SEMA3D: variants seen among roughly 807,000 people sequenced by gnomAD.
SEMA3D encodes the protein semaphorin-3D.
Under a neutral mutation model 100.1 loss-of-function variants are expected in SEMA3D, and 84 were observed. The ratio of observed to expected loss-of-function variants is 0.84; its 90% CI spans 0.70 to 1.01. The LOEUF is 1.01. Ranked by LOEUF, SEMA3D falls within the 50% of genes least tolerant of loss-of-function variation. SEMA3D has a pLI of 0.00. For missense variants in SEMA3D, 875 were observed against 934.1 expected (o/e 0.94, Z 0.82); for synonymous variants, 312 against 320.7 (o/e 0.97, Z 0.29).
rs116613566 is a variant in SEMA3D at position 85,172,998 on chromosome 7, A to T, written c.-173+13680T>A. ...TACCTTTTTAGAAAAGGCATAAGGAACAAGGCACAAAAGAAACAAGGTTGT... is the reference window on the plus strand; with the variant it reads ...TACCTTTTTAGAAAAGGCATAAGGATCAAGGCACAAAAGAAACAAGGTTGT... On this transcript the variant is annotated intron_variant, in intron 1 of 18. Transcript: ENST00000284136. 5.2e-3 allele frequency among the ~76,000 whole-genome samples: 797 copies of T among 152,186 alleles called. 10 individuals are homozygous for T. Among genetic ancestry groups the T allele is most frequent in the African/African-American group, 0.018 (755 of 41,542 alleles).
At chr7:85,176,791 T>G (rs984805049) in intron 1 of SEMA3D, among the ~76,000 whole-genome samples, 8 of 144,086 alleles carry the variant, frequency 5.6e-5, no homozygotes, top group East Asian at 2.1e-4. Flanking sequence ...CATATATATA[T>G]ATAGAGAGAG....
At chr7:85,010,082 T>C (rs994501824) in intron 17 of SEMA3D, among the ~76,000 whole-genome samples, 3 of 151,738 alleles carry the variant, frequency 2.0e-5, no homozygotes, top group African/African-American at 4.8e-5. Context: ...ATAAGATTAA[T>C]TGATATAAAA....
At chr7:85,134,443 T>C (rs1789803295) in intron 2 of SEMA3D, among the ~76,000 whole-genome samples, 1 of 152,010 alleles carries the variant, frequency 6.6e-6, no homozygotes, top group Non-Finnish European at 1.5e-5. Context: ...TTCTGTACTT[T>C]TTTAGAGTAT....
At chr7:85,093,653 AT>A (rs1252815117) in intron 4 of SEMA3D, among the ~76,000 whole-genome samples, 3 of 152,068 alleles carry the variant, frequency 2.0e-5, no homozygotes, top group South Asian at 2.1e-4. Context: ...ACGCTAATTG[AT>A]AAAAGTAATA....
intron 1 of SEMA3D, among the ~76,000 whole-genome samples, chr7:85,169,029 T>C (rs1206225948): frequency 6.6e-6 from 1 of 151,646 alleles, no homozygotes; most frequent in East Asian, 1.9e-4. Context: ...TACTATGAGT[T>C]CATGAGATAA....
At chr7:85,231,719 G>A in the SEMA3D span, among the ~76,000 whole-genome samples, 8 of 152,030 alleles carry the variant, frequency 5.3e-5, no homozygotes, top group African/African-American at 1.9e-4. Context: ...CAAAGTGCTG[G>A]GATTATAGGC....
At chr7:85,234,195 G>C in the SEMA3D span, among the ~76,000 whole-genome samples, 1 of 152,100 alleles carries the variant, frequency 6.6e-6, no homozygotes, top group Non-Finnish European at 1.5e-5. Context: ...TGCTCCCTGA[G>C]ACCCCCAGAA....
At chr7:85,117,579 C>A (rs1789277776) in intron 3 of SEMA3D, among the ~76,000 whole-genome samples, 1 of 152,000 alleles carries the variant, frequency 6.6e-6, no homozygotes, top group African/African-American at 2.4e-5. Flanking sequence ...AGGAGACAAG[C>A]CTGGGCAACA....
At chr7:85,130,871 G>A (rs914569838) in intron 2 of SEMA3D, among the ~76,000 whole-genome samples, 49 of 152,124 alleles carry the variant, frequency 3.2e-4, no homozygotes, top group African/African-American at 1.0e-3. Context: ...GTGGTTAAGC[G>A]CACAGGCAAA....
chr7:85,165,407 G>C (rs76307468), intron 1 of SEMA3D, among the ~76,000 whole-genome samples: 1 of 152,018 alleles, frequency 6.6e-6, no homozygotes, highest in Non-Finnish European at 1.5e-5. Flanking sequence ...AAGATACGAC[G>C]TGAGAAAGAC....
At chr7:85,135,425 T>C (rs1789831616) in intron 2 of SEMA3D, among the ~76,000 whole-genome samples, 1 of 152,026 alleles carries the variant, frequency 6.6e-6, no homozygotes, top group East Asian at 1.9e-4. Context: ...AAACACGGCA[T>C]GTTCTCACTC....
At chr7:85,197,751 C>G in the SEMA3D span, among the ~76,000 whole-genome samples, 1 of 152,082 alleles carries the variant, frequency 6.6e-6, no homozygotes, top group East Asian at 1.9e-4. Context: ...TTTTAATAAC[C>G]TATAACCCTG....
chr7:85,049,258 T>C (rs1791092314), intron 9 of SEMA3D, among the ~76,000 whole-genome samples: 1 of 148,430 alleles, frequency 6.7e-6, no homozygotes, highest in Non-Finnish European at 1.5e-5. Context: ...TTCAAGGCAA[T>C]TTTTTTTTTC....
intron 2 of SEMA3D, among the ~76,000 whole-genome samples, chr7:85,134,554 T>G (rs1427409070): frequency 6.6e-6 from 1 of 152,034 alleles, no homozygotes; most frequent in Non-Finnish European, 1.5e-5. Context: ...TTTTCATTTG[T>G]ACCTTCCAGA....
At chr7:85,003,471 C>T (rs760924726) in intron 18 of SEMA3D, among the ~76,000 whole-genome samples, 4 of 151,912 alleles carry the variant, frequency 2.6e-5, no homozygotes, top group Non-Finnish European at 4.4e-5. Flanking sequence ...ATTGCTGTCT[C>T]ATTGGGGAAG....
chr7:85,019,033 G>T (rs1418282960), intron 14 of SEMA3D, among the ~76,000 whole-genome samples: 3 of 151,784 alleles, frequency 2.0e-5, no homozygotes, highest in Non-Finnish European at 4.4e-5. Flanking sequence ...AAATTTCAGT[G>T]AGAAAGTTCT....
intron 3 of SEMA3D, among the ~76,000 whole-genome samples, chr7:85,110,687 C>A (rs1047552945): frequency 2.6e-5 from 4 of 151,218 alleles, no homozygotes; most frequent in African/African-American, 9.8e-5. Flanking sequence ...TGTAGATTAT[C>A]CGGCATGTCT....
chr7:85,238,399 A>C, the SEMA3D span, among the ~76,000 whole-genome samples: 1 of 152,192 alleles, frequency 6.6e-6, no homozygotes, highest in Non-Finnish European at 1.5e-5. Context: ...TAAAATCTGC[A>C]GGTAAATTCA....
At chr7:85,119,361 A>G (rs1450035096) in intron 3 of SEMA3D, among the ~76,000 whole-genome samples, 1 of 152,194 alleles carries the variant, frequency 6.6e-6, no homozygotes, top group Non-Finnish European at 1.5e-5. Flanking sequence ...CATGGAATCA[A>G]CCTAAATGCC....
Sources: gnomAD v4.1 joint callset for allele counts (sites outside exome capture counted in the v4.1 genomes callset) on GRCh38, gnomAD v4.1.1 for gene constraint, MANE v1.5 for transcripts, NCBI Gene and HGNC (gene_info 2026-07-23, HGNC 2026-07-21) for gene names.